CERS4: variants seen among roughly 807,000 people sequenced by gnomAD.
CERS4 encodes the protein ceramide synthase 4, also known as LAG1 homolog, ceramide synthase 4.
CERS4 carries 65 observed loss-of-function variants against 51.8 expected under a neutral mutation model. The ratio of observed to expected loss-of-function variants is 1.26; its 90% CI spans 1.03 to 1.54. The LOEUF (loss-of-function observed/expected upper bound fraction) is 1.54. Among genes scored for constraint, CERS4 ranks in the 40% most tolerant of loss-of-function variants. The pLI is 0.00. For missense variants in CERS4, 563 were observed against 500.4 expected, an observed-to-expected ratio of 1.13 and a Z score of -1.19; for synonymous variants, 228 against 208.4, an observed-to-expected ratio of 1.09 and a Z score of -0.81.
At chr19:8,260,959 A>AAAAC (rs1568543717) in intron 10 of CERS4, 1 of 143,122 alleles carries the variant, frequency 7.0e-6, no homozygotes, top group Non-Finnish European at 1.5e-5. Context: ...TCAAAAAAAA[A>AAAAC]AAAAAAAAAA....
At position 8,210,388 on chromosome 19, in the gene CERS4, G is replaced by A. The variant is rs1211884816; in HGVS notation, c.-158-318G>A. On this transcript the variant is annotated intron_variant, in intron 1 of 11. Coordinates refer to ENST00000251363, the MANE Select transcript of CERS4 (RefSeq NM_024552.3). The surrounding 1 kb of genome is among the most constrained non-coding windows in gnomAD (Gnocchi z 4.2). Reference sequence around the variant, plus strand: ...TGCAAGTGGAGCGTGGGGGACCGATGTTTCTCCTGGGTAGTTAGGAGTATA... The same window carrying A: ...TGCAAGTGGAGCGTGGGGGACCGATATTTCTCCTGGGTAGTTAGGAGTATA... 6.6e-6 allele frequency among the ~76,000 whole-genome samples: 1 copy of A among 152,048 alleles called. No homozygotes were observed. Among genetic ancestry groups the A allele is most frequent in the African/African-American group, 2.4e-5 (1 of 41,378 alleles).
At chr19:8,220,744 G>A (rs1399039178) in intron 2 of CERS4, among the ~76,000 whole-genome samples, 6 of 152,142 alleles carry the variant, frequency 3.9e-5, no homozygotes, top group South Asian at 2.1e-4. Context: ...TCCCAGAATC[G>A]GTCCCTCCCG....
Position 8,260,975 on chromosome 19 carries a change from AAAC to A in CERS4, c.849-710_849-708del, listed in dbSNP as rs1568543905. ...CAAAAAAAAAAAAAAAAAAAAAAAAAAACAAGAACCACAGCTGAGTTTGAGAAG... is the reference window on the plus strand; with the variant it reads ...CAAAAAAAAAAAAAAAAAAAAAAAAAAAGAACCACAGCTGAGTTTGAGAAG... On this transcript the variant is annotated intron_variant, in intron 10 of 11. Coordinates refer to ENST00000251363, the MANE Select transcript of CERS4 (RefSeq NM_024552.3). 2 of 150,970 alleles carry A rather than the reference AAAC, an allele frequency of 1.3e-5. 1 individual carries two copies. Among genetic ancestry groups the A allele is most frequent in the South Asian group, 4.2e-4 (2 of 4,810 alleles). The allele number at this position is 150,970 out of a possible 1,614,324, so 9.4% of individuals were successfully genotyped here.
At chr19:8,219,138 C>T (rs973993031) in intron 2 of CERS4, among the ~76,000 whole-genome samples, 3 of 152,044 alleles carry the variant, frequency 2.0e-5, no homozygotes, top group Admixed American at 6.6e-5. Flanking sequence ...ACCCAGGAGG[C>T]GGAGGTTGCC....
At chr19:8,255,761 G>C (rs1249978990) in intron 5 of CERS4, 36 bp downstream of exon 5, 1 of 1,595,346 alleles carries the variant, frequency 6.3e-7, no homozygotes, top group African/African-American at 1.3e-5. Flanking sequence ...GTGCAGGGAA[G>C]CGGGCCGGGG....
intron 4 of CERS4, 34 bp from the exon 5 acceptor site, chr19:8,255,571 CCT>C: frequency 1.3e-6 from 2 of 1,562,910 alleles, no homozygotes; most frequent in Non-Finnish European, 1.7e-6. Flanking sequence ...CACCACAGGG[CCT>C]CTGTGACCCT....
chr19:8,235,726 CT>C (rs1968221234), intron 2 of CERS4, among the ~76,000 whole-genome samples: 1 of 151,028 alleles, frequency 6.6e-6, no homozygotes, highest in African/African-American at 2.4e-5. Flanking sequence ...TCCCCCCAAT[CT>C]CTATAAAGAA....
At chr19:8,230,297 C>A (rs1472096840) in intron 2 of CERS4, among the ~76,000 whole-genome samples, 3 of 151,724 alleles carry the variant, frequency 2.0e-5, no homozygotes, top group Non-Finnish European at 4.4e-5. Context: ...TCACATGATT[C>A]TCCTGCCTCA....
At chr19:8,223,663 A>G (rs1422908348) in intron 2 of CERS4, among the ~76,000 whole-genome samples, 1 of 151,896 alleles carries the variant, frequency 6.6e-6, no homozygotes, top group Non-Finnish European at 1.5e-5. Context: ...GTGCACGCCT[A>G]TAATCCCAGC....
intron 10 of CERS4, among the ~76,000 whole-genome samples, chr19:8,260,497 TGCCCA>T (rs1467945022): frequency 1.4e-5 from 2 of 145,464 alleles, no homozygotes; most frequent in African/African-American, 2.5e-5. Context: ...TGAGCCACTG[TGCCCA>T]GCCCAGCCAG....
Position 8,261,758 on chromosome 19 carries a change from G to T in CERS4, c.919G>T (p.Gly307Trp), listed in dbSNP as rs527480139. The T allele has an allele frequency of 4.3e-6, 7 of 1,614,000 alleles. No individual in the cohort carries two copies. The Admixed American group carries it at 1.0e-4, about 23-fold the overall frequency. Residue 307 changes from glycine (G) to tryptophan (W), a missense_variant, in exon 11 of 12, where the codon GGG becomes TGG. Gly to Trp is a radical substitution (Grantham distance 184). Coordinates refer to ENST00000251363, the MANE Select transcript of CERS4 (RefSeq NM_024552.3). Reference protein sequence around the residue: ...GPFFGYYFFNGLLMLLQLLHV... With the variant: ...GPFFGYYFFNWLLMLLQLLHV... ...CTTCTTCGGCTACTACTTCTTCAACGGGCTTCTGATGTTGCTGCAGCTGCT... is the reference window on the plus strand; with the variant it reads ...CTTCTTCGGCTACTACTTCTTCAACTGGCTTCTGATGTTGCTGCAGCTGCT...
At chr19:8,251,705 G>C (rs1053791241) in intron 3 of CERS4, among the ~76,000 whole-genome samples, 1 of 151,972 alleles carries the variant, frequency 6.6e-6, no homozygotes, top group African/African-American at 2.4e-5. Flanking sequence ...TCAGGAGGCT[G>C]AGGCAGGAGA....
intron 2 of CERS4, among the ~76,000 whole-genome samples, chr19:8,237,838 G>A (rs1027611669): frequency 2.0e-5 from 3 of 152,154 alleles, no homozygotes; most frequent in Non-Finnish European, 2.9e-5. Context: ...GCGACAGAGC[G>A]AGACTCCGTG....
intron 2 of CERS4, among the ~76,000 whole-genome samples, chr19:8,226,146 G>T (rs563188482): frequency 8.6e-5 from 13 of 151,908 alleles, no homozygotes; most frequent in Admixed American, 2.0e-4. Context: ...GCAGTGAGCC[G>T]AAGTCACACC....
At chr19:8,231,423 G>A (rs1967997581) in intron 2 of CERS4, among the ~76,000 whole-genome samples, 1 of 152,124 alleles carries the variant, frequency 6.6e-6, no homozygotes, top group African/African-American at 2.4e-5. Context: ...ATGAAATCTT[G>A]GCCTAGTTCT....
In CERS4 at chr19:8,251,262, C is replaced by T; in HGVS notation, c.173+13C>T. 1 of 1,575,546 alleles carries T rather than the reference C, an allele frequency of 6.3e-7. No homozygotes were observed. Among genetic ancestry groups the T allele is most frequent in the Non-Finnish European group, 8.6e-7 (1 of 1,161,816 alleles). ...TTGCCTTTGAGAGGTGAGTGTCTGC[C>T]CTGCCGCAATCCATTGCCCCCGCAG... On this transcript the variant is annotated intron_variant, in intron 3 of 11. Coordinates refer to ENST00000251363, the MANE Select transcript of CERS4 (RefSeq NM_024552.3).
Position 8,252,548 on chromosome 19 carries a change from C to T in CERS4, c.173+1299C>T, listed in dbSNP as rs532675850. 2.2e-4 allele frequency among the ~76,000 whole-genome samples: 34 copies of T among 152,128 alleles called. 1 individual carries two copies. The South Asian group carries it at 6.9e-3, about 31-fold the overall frequency. The stretch of plus-strand genomic sequence containing the variant: ...CTGCCTCCCAGGTTCAAGCGACTCT[C>T]CTATCTCAGCCTCACAAGTAACTGG... On this transcript the variant is annotated intron_variant, in intron 3 of 11. Transcript: ENST00000251363.
At chr19:8,247,469 G>T (rs1479583643) in intron 2 of CERS4, among the ~76,000 whole-genome samples, 1 of 152,030 alleles carries the variant, frequency 6.6e-6, no homozygotes, top group Non-Finnish European at 1.5e-5. Context: ...CCTCAGGCTG[G>T]AGTATAGTGG....
chr19:8,258,043 G>A, intron 10 of CERS4, 58 bp downstream of exon 10: 1 of 1,330,450 alleles, frequency 7.5e-7, no homozygotes, highest in South Asian at 1.2e-5. Context: ...GAGATTCCAG[G>A]ACTGCCTCAC....
Sources: gnomAD v4.1 joint callset for allele counts (sites outside exome capture counted in the v4.1 genomes callset) on GRCh38, gnomAD v4.1.1 for gene constraint, Gnocchi (gnomAD v3.1) non-coding constraint, MANE v1.5 for transcripts, NCBI Gene and HGNC (gene_info 2026-07-23, HGNC 2026-07-21) for gene names.